MTPAP: variants seen among roughly 807,000 people sequenced by gnomAD.
MTPAP encodes poly(A) RNA polymerase, mitochondrial.
A neutral mutation model predicts 48.7 loss-of-function variants in MTPAP; 23 were observed. The observed-to-expected ratio is 0.47, with a 90% confidence interval of 0.34 to 0.67. MTPAP has a LOEUF of 0.67. MTPAP is among the 30% of genes least tolerant of loss of function. The pLI, the probability that MTPAP is intolerant of heterozygous loss-of-function variation, is 0.01. For missense variants in MTPAP, 614 were observed against 694.3 expected (o/e 0.88, Z 1.30); for synonymous variants, 257 against 254.1 (o/e 1.01, Z -0.11).
At chr10:30,334,637 G>A (rs1834707643) in intron 4 of MTPAP, among the ~76,000 whole-genome samples, 1 of 152,084 alleles carries the variant, frequency 6.6e-6, no homozygotes, top group Non-Finnish European at 1.5e-5. Context: ...CTCCAGCCTG[G>A]GTGACCGAGT....
chr10:30,348,206 T>C (rs763704603), intron 1 of MTPAP, among the ~76,000 whole-genome samples: 6 of 152,216 alleles, frequency 3.9e-5, no homozygotes, highest in South Asian at 2.1e-4. Flanking sequence ...CCAATCAATA[T>C]TTGAATGAAA....
At chr10:30,330,398 G>A (rs775150041) in intron 4 of MTPAP, among the ~76,000 whole-genome samples, 1 of 152,136 alleles carries the variant, frequency 6.6e-6, no homozygotes, top group Non-Finnish European at 1.5e-5. Flanking sequence ...GCAAAAAGAG[G>A]TCAAGTGAGA....
At chr10:30,319,500 A>G (rs1840698208) in intron 6 of MTPAP, among the ~76,000 whole-genome samples, 1 of 152,204 alleles carries the variant, frequency 6.6e-6, no homozygotes, top group Admixed American at 6.5e-5. Context: ...AGTACTCAAT[A>G]TGGTTTTGAT....
chr10:30,332,995 C>A (rs1834687982), intron 4 of MTPAP, among the ~76,000 whole-genome samples: 1 of 151,994 alleles, frequency 6.6e-6, no homozygotes, highest in South Asian at 2.1e-4. Context: ...GTGGCGGGCG[C>A]CTGTAGTCCC....
In MTPAP at chr10:30,341,398, AAAC is replaced by A. The variant is rs1387724644; in HGVS notation, c.330+67_330+69del. 5.8e-6 allele frequency: 9 copies of A among 1,540,532 alleles called. No individual in the cohort carries two copies. The African/African-American group carries it at 9.7e-5, about 17-fold the overall frequency. On this transcript the variant is annotated intron_variant, in intron 2 of 8. Coordinates refer to ENST00000263063, the MANE Select transcript of MTPAP (RefSeq NM_018109.4). ...CCATATTGCAAAAAGCAACAGCAAA[AAAC>A]AACTAATGGAGACCTCCACCCTTGA...
intron 5 of MTPAP, among the ~76,000 whole-genome samples, chr10:30,323,128 C>CAAAAAAAA (rs201987154): frequency 4.6e-5 from 4 of 86,522 alleles, no homozygotes; most frequent in Admixed American, 1.6e-4. Flanking sequence ...GACTCCGTTT[C>CAAAAAAAA]AAAAAAAAAA....
chr10:30,318,917 TACCAAGAGCTTGGAAACC>T (rs1336187203), intron 6 of MTPAP, among the ~76,000 whole-genome samples: 2 of 152,084 alleles, frequency 1.3e-5, no homozygotes, highest in Non-Finnish European at 2.9e-5. Flanking sequence ...TACAGGTGTG[TACCAAGAGCTTGGAAACC>T]AACAAAGCAC....
At chr10:30,326,348 C>T (rs1306845028) in intron 5 of MTPAP, 76 bp downstream of exon 5, 64 of 1,316,832 alleles carry the variant, frequency 4.9e-5, no homozygotes, top group Non-Finnish European at 5.3e-5. Context: ...TACAAAGCCA[C>T]TGTTTCTGTG....
At chr10:30,326,172 A>G (rs1834593488) in intron 5 of MTPAP, among the ~76,000 whole-genome samples, 1 of 152,198 alleles carries the variant, frequency 6.6e-6, no homozygotes, top group Admixed American at 6.5e-5. Context: ...GAATAATGAA[A>G]TACATTTCTT....
At position 30,339,030 on chromosome 10, in the gene MTPAP, A is replaced by G. The variant is rs566218213; in HGVS notation, c.555+1196T>C. On this transcript the variant is annotated intron_variant, in intron 3 of 8. Transcript: ENST00000263063. ...CCCAGCTACTTGAGAGGCTGAGGCA[A>G]GAGAATGGCGTGAACCCAGGAGGTG... 1.0e-3 allele frequency among the ~76,000 whole-genome samples: 155 copies of G among 151,634 alleles called. 1 individual carries two copies. The highest frequency in any genetic ancestry group is 3.7e-3 in the South Asian group (18 of 4,800).
At chr10:30,324,847 G>C (rs897342683) in intron 5 of MTPAP, among the ~76,000 whole-genome samples, 9 of 151,992 alleles carry the variant, frequency 5.9e-5, no homozygotes, top group African/African-American at 1.9e-4. Flanking sequence ...ACAAAAATTA[G>C]CCAGCATGAT....
At chr10:30,341,376 T>A in intron 2 of MTPAP, 92 bp downstream of exon 2, 2 of 1,496,274 alleles carry the variant, frequency 1.3e-6, no homozygotes, top group Non-Finnish European at 1.8e-6. Flanking sequence ...CTACCTACCA[T>A]ATTGCAAAAA....
chr10:30,337,509 C>T (rs561932937), intron 3 of MTPAP, among the ~76,000 whole-genome samples: 3 of 152,136 alleles, frequency 2.0e-5, no homozygotes, highest in Admixed American at 6.6e-5. Context: ...AAGGCCAAGG[C>T]GGATCATATG....
At chr10:30,314,425 C>G (rs1039284890) in intron 8 of MTPAP, among the ~76,000 whole-genome samples, 2 of 151,954 alleles carry the variant, frequency 1.3e-5, no homozygotes, top group Admixed American at 1.3e-4. Flanking sequence ...CAGGAACACA[C>G]AAAATTAGAA....
chr10:30,326,758 C>T (rs772310433), intron 4 of MTPAP, 123 bp from the exon 5 acceptor site: 4 of 752,270 alleles, frequency 5.3e-6, no homozygotes, highest in Non-Finnish European at 8.8e-6. Flanking sequence ...AAAAAAACAA[C>T]CCACAAAATA....
In MTPAP at chr10:30,340,270, G is replaced by A. The variant is rs759094245; in HGVS notation, c.511C>T (p.Arg171Cys). The A allele has an allele frequency of 4.0e-5, 64 of 1,613,990 alleles. No homozygotes were observed. Among genetic ancestry groups the A allele is most frequent in the Admixed American group, 1.5e-4 (9 of 59,992 alleles). Reference protein sequence around the residue: ...SRVRSSNQLPRSNKQLFELLC... With the variant: ...SRVRSSNQLPCSNKQLFELLC... ...AATTCAAAAAGCTGCTTGTTTGAAC[G>A]TGGCAACTGATTACTTGACCGTACG... The change falls in exon 3 of 9, where the codon CGT (arginine) becomes TGT (cysteine). Residue 171 changes from arginine (R) to cysteine (C), a missense_variant. Physicochemically the swap from Arg to Cys is radical, Grantham distance 180. Transcript: ENST00000263063.
At position 30,326,494 on chromosome 10, in the gene MTPAP, C is replaced by G; in HGVS notation, c.922G>C (p.Ala308Pro). ...GAGAACCTCACGAGCGGACACCGGG[C>G]ATTTAATATTTTTTGCACACCCACA... ...GCVGVQKILN[A>P]RCPLVRFSHQ... is the part of the protein sequence containing the mutation. Residue 308 changes from alanine to proline, a missense_variant, in exon 5 of 9, where the codon GCC becomes CCC. By Grantham distance (27) the Ala-to-Pro change is conservative (BLOSUM62 -1). Coordinates refer to ENST00000263063, the MANE Select transcript of MTPAP (RefSeq NM_018109.4). 6.2e-7 allele frequency: 1 copy of G among 1,614,164 alleles called. No homozygotes were observed. The highest frequency in any genetic ancestry group is 8.5e-7 in the Non-Finnish European group (1 of 1,180,026).
chr10:30,341,723 A>C, intron 1 of MTPAP, 83 bp from the exon 2 acceptor site: 1 of 1,478,230 alleles, frequency 6.8e-7, no homozygotes, highest in Non-Finnish European at 9.4e-7. Flanking sequence ...TAAAGACTTC[A>C]TATATGACTA....
chr10:30,327,840 C>A, intron 4 of MTPAP, among the ~76,000 whole-genome samples: 6 of 135,662 alleles, frequency 4.4e-5, no homozygotes, highest in African/African-American at 5.3e-5. Flanking sequence ...AGCAAGACTC[C>A]ATCTCAAAAA....
Sources: allele counts gnomAD v4.1 joint callset (sites outside exome capture counted in the v4.1 genomes callset), GRCh38; gene constraint gnomAD v4.1.1; transcripts MANE v1.5; gene names NCBI Gene and HGNC (gene_info 2026-07-23, HGNC 2026-07-21).